ARMC9: variants seen among roughly 807,000 people sequenced by gnomAD.
ARMC9 encodes the protein armadillo repeat containing 9, also known as lisH domain-containing protein ARMC9.
A neutral mutation model predicts 107.0 loss-of-function variants in ARMC9; 94 were observed. That is an observed-to-expected ratio of 0.88 (90% confidence interval 0.74 to 1.04). The LOEUF is 1.04. Ranked by LOEUF, ARMC9 falls within the 50% of genes least tolerant of loss-of-function variation. The probability of loss-of-function intolerance (pLI) is 0.00; values close to 1 mark genes in which losing one functional copy is unlikely to be tolerated. For missense variants in ARMC9, 942 were observed against 1,030.1 expected (o/e 0.91, Z 1.17); for synonymous variants, 380 against 396.9 (o/e 0.96, Z 0.51).
At chr2:231,318,061 T>C (rs1365183539) in intron 19 of ARMC9, among the ~76,000 whole-genome samples, 1 of 151,838 alleles carries the variant, frequency 6.6e-6, no homozygotes, top group Non-Finnish European at 1.5e-5. Context: ...TTCTGCTGTA[T>C]CTAGTAATGC....
intron 9 of ARMC9, among the ~76,000 whole-genome samples, chr2:231,252,347 T>A (rs578071640): frequency 3.9e-5 from 6 of 152,264 alleles, no homozygotes; most frequent in Admixed American, 1.3e-4. Flanking sequence ...CCTCACTGAT[T>A]CAAGCAATTC....
At chr2:231,288,109 G>A (rs2040731739) in intron 17 of ARMC9, among the ~76,000 whole-genome samples, 1 of 152,194 alleles carries the variant, frequency 6.6e-6, no homozygotes, top group South Asian at 2.1e-4. Flanking sequence ...AAGCATTGAA[G>A]GAGCTCATAA....
intron 22 of ARMC9, 58 bp downstream of exon 22, chr2:231,355,992 G>A (rs958318948): frequency 5.4e-5 from 81 of 1,488,628 alleles, no homozygotes; most frequent in Non-Finnish European, 6.4e-5. Flanking sequence ...TAGAACCTAC[G>A]CAAAACAGCA....
intron 9 of ARMC9, among the ~76,000 whole-genome samples, chr2:231,244,103 T>C (rs2125380109): frequency 6.6e-6 from 1 of 152,318 alleles, no homozygotes; most frequent in East Asian, 1.9e-4. Flanking sequence ...GTAAAGGAGC[T>C]TGGGCTGGGC....
chr2:231,279,720 C>T (rs1381363841), intron 16 of ARMC9, among the ~76,000 whole-genome samples: 1 of 151,942 alleles, frequency 6.6e-6, no homozygotes, highest in African/African-American at 2.4e-5. Context: ...CCATGTTGGC[C>T]AGGCTGGTCT....
intron 8 of ARMC9, among the ~76,000 whole-genome samples, chr2:231,237,781 ATTTTTTTTTTTTTTTTTT>A (rs142285288): frequency 3.7e-5 from 1 of 26,962 alleles, no homozygotes; most frequent in Non-Finnish European, 7.1e-5. Context: ...ATATATATAT[ATTTTTTTTTTTTTTTTTT>A]TTTTTTTTTT....
At chr2:231,264,019 G>GT (rs1335375316) in intron 12 of ARMC9, among the ~76,000 whole-genome samples, 3 of 152,030 alleles carry the variant, frequency 2.0e-5, no homozygotes, top group Admixed American at 6.6e-5. Flanking sequence ...ATTGGCAGGG[G>GT]TTTTTTTCTT....
At chr2:231,296,512 G>A (rs1157506095) in intron 19 of ARMC9, among the ~76,000 whole-genome samples, 1 of 152,168 alleles carries the variant, frequency 6.6e-6, no homozygotes, top group African/African-American at 2.4e-5. Flanking sequence ...CATGTCATTC[G>A]AGTTTCATGG....
chr2:231,342,287 C>G (rs529107558), intron 20 of ARMC9, among the ~76,000 whole-genome samples: 7 of 152,222 alleles, frequency 4.6e-5, no homozygotes. Context: ...CGCAGTTTCC[C>G]CATCCACTGG....
At chr2:231,217,283 T>G (rs368712023) in intron 5 of ARMC9, among the ~76,000 whole-genome samples, 2 of 152,206 alleles carry the variant, frequency 1.3e-5, no homozygotes, top group Non-Finnish European at 2.9e-5. Flanking sequence ...GTACCAGTGT[T>G]AAAATGTTAC....
intron 3 of ARMC9, among the ~76,000 whole-genome samples, chr2:231,210,911 TTTATCCTCCC>T (rs1363922161): frequency 6.6e-6 from 1 of 152,192 alleles, no homozygotes; most frequent in East Asian, 1.9e-4. Context: ...CAACTCCGCC[TTTATCCTCCC>T]CCTAGGCCTT....
At chr2:231,327,963 T>G (rs984876075) in intron 19 of ARMC9, among the ~76,000 whole-genome samples, 3 of 152,146 alleles carry the variant, frequency 2.0e-5, no homozygotes, top group Non-Finnish European at 4.4e-5. Flanking sequence ...TTTTGTTTTT[T>G]TCGTAGAGAC....
At chr2:231,336,377 A>G (rs2044089854) in intron 20 of ARMC9, among the ~76,000 whole-genome samples, 2 of 152,124 alleles carry the variant, frequency 1.3e-5, no homozygotes, top group African/African-American at 4.8e-5. Context: ...TAGTATCTGC[A>G]TTTTATAGAG....
chr2:231,281,234 C>T (rs757869508), intron 16 of ARMC9, among the ~76,000 whole-genome samples: 7 of 68,080 alleles, frequency 1.0e-4, no homozygotes, highest in Non-Finnish European at 1.5e-4. Context: ...GGCAGTGGGG[C>T]GGGGGTGGGT....
chr2:231,251,457 AC>A (rs2037292372), intron 9 of ARMC9, among the ~76,000 whole-genome samples: 1 of 152,060 alleles, frequency 6.6e-6, no homozygotes, highest in Admixed American at 6.6e-5. Flanking sequence ...GAGCCACTGC[AC>A]CCGGCCTGGC....
chr2:231,354,146 T>C (rs184560534), intron 21 of ARMC9, among the ~76,000 whole-genome samples: 12 of 151,382 alleles, frequency 7.9e-5, no homozygotes, highest in Non-Finnish European at 1.5e-4. Flanking sequence ...CAAAACTGAG[T>C]TGGCTAGGAG....
chr2:231,246,135 G>T (rs1376659536), intron 9 of ARMC9, among the ~76,000 whole-genome samples: 1 of 152,168 alleles, frequency 6.6e-6, no homozygotes, highest in Non-Finnish European at 1.5e-5. Context: ...GCCCATTTGA[G>T]AATTAATGCT....
chr2:231,245,315 T>C (rs2036656527), intron 9 of ARMC9, among the ~76,000 whole-genome samples: 1 of 152,126 alleles, frequency 6.6e-6, no homozygotes, highest in Non-Finnish European at 1.5e-5. Context: ...GAGGCTGAGT[T>C]TTTTGTTTTC....
rs1240524214 is a variant in ARMC9 at position 231,297,622 on chromosome 2, C to A, written c.1773+1369C>A. Among the ~76,000 whole-genome samples, 1 of 152,130 alleles carries A rather than the reference C, an allele frequency of 6.6e-6. No individual in the cohort carries two copies. Among genetic ancestry groups the A allele is most frequent in the Non-Finnish European group, 1.5e-5 (1 of 68,000 alleles). On this transcript the variant is annotated intron_variant, in intron 19 of 24. Transcript: ENST00000611582. The surrounding 1 kb of genome is among the most constrained non-coding windows in gnomAD (Gnocchi z 4.2). ...CAATTTTTGCATGTCATTAAATATT[C>A]TTTCAAATACTTAAAAACACAAAAA...
Sources: allele counts gnomAD v4.1 joint callset (sites outside exome capture counted in the v4.1 genomes callset), GRCh38; gene constraint gnomAD v4.1.1; non-coding constraint Gnocchi (gnomAD v3.1); transcripts MANE v1.5; gene names NCBI Gene and HGNC (gene_info 2026-07-23, HGNC 2026-07-21).